The following GALNTL6 variants were observed in gnomAD, a reference collection of about 807,000 sequenced individuals.
GALNTL6 encodes the protein polypeptide N-acetylgalactosaminyltransferase like 6.
In GALNTL6, 46 loss-of-function variants were observed where a neutral mutation model predicts 73.7. That is an observed-to-expected ratio of 0.62 (90% CI 0.49 to 0.80). The LOEUF (loss-of-function observed/expected upper bound fraction) is 0.80, where lower values mean the gene tolerates loss of function less well. Among genes scored for constraint, GALNTL6 ranks in the 30% least tolerant of loss-of-function variants. The pLI is 0.00. For synonymous variants in GALNTL6, 259 were observed against 263.7 expected (o/e 0.98, Z 0.17); for missense variants, 604 against 755.0 (o/e 0.80, Z 2.34).
intron 5 of GALNTL6, among the ~76,000 whole-genome samples, chr4:172,588,736 T>C (rs1281704619): frequency 2.6e-5 from 4 of 152,142 alleles, no homozygotes; most frequent in Non-Finnish European, 5.9e-5. Flanking sequence ...TTTAAAAGAC[T>C]GAAGTCCAAA....
chr4:172,299,565 T>G (rs1310140218), intron 3 of GALNTL6, among the ~76,000 whole-genome samples: 2 of 152,172 alleles, frequency 1.3e-5, no homozygotes, highest in Admixed American at 6.5e-5. Context: ...CTGGTATGTT[T>G]TGTCTTTATT....
intron 5 of GALNTL6, among the ~76,000 whole-genome samples, chr4:172,444,584 C>T (rs1413054242): frequency 2.0e-5 from 3 of 152,062 alleles, no homozygotes; most frequent in African/African-American, 7.2e-5. Flanking sequence ...GAGAACAGTA[C>T]CTTTGATTGT....
intron 5 of GALNTL6, among the ~76,000 whole-genome samples, chr4:172,424,809 C>T (rs976674910): frequency 2.6e-5 from 4 of 151,920 alleles, no homozygotes; most frequent in Non-Finnish European, 5.9e-5. Context: ...TGACCAAATG[C>T]AAGAGAGGCT....
At chr4:172,132,266 C>G (rs1733517518) in intron 2 of GALNTL6, among the ~76,000 whole-genome samples, 1 of 152,046 alleles carries the variant, frequency 6.6e-6, no homozygotes, top group Admixed American at 6.6e-5. Flanking sequence ...ATTAAATTTT[C>G]TTTATATCAG....
At chr4:172,575,605 A>G (rs1370430196) in intron 5 of GALNTL6, among the ~76,000 whole-genome samples, 1 of 152,154 alleles carries the variant, frequency 6.6e-6, no homozygotes, top group African/African-American at 2.4e-5. Context: ...TGAAATCTGG[A>G]TCTGTTTAAA....
chr4:173,024,098 G>T (rs765867490), intron 12 of GALNTL6, among the ~76,000 whole-genome samples: 2 of 152,196 alleles, frequency 1.3e-5, no homozygotes, highest in African/African-American at 2.4e-5. Context: ...GCTTACAAAA[G>T]TTTACAGATG....
At chr4:172,755,016 A>G (rs1472595748) in intron 5 of GALNTL6, among the ~76,000 whole-genome samples, 1 of 152,138 alleles carries the variant, frequency 6.6e-6, no homozygotes, top group East Asian at 1.9e-4. Context: ...TATAAAAAGT[A>G]ATGCTTGATG....
At chr4:173,038,032 G>T (rs1299989421) in intron 12 of GALNTL6, among the ~76,000 whole-genome samples, 1 of 152,116 alleles carries the variant, frequency 6.6e-6, no homozygotes. Context: ...CGTCAGCCAC[G>T]GTACCCAGCC....
At chr4:171,834,495 G>A (rs1002601343) in intron 2 of GALNTL6, among the ~76,000 whole-genome samples, 1 of 151,844 alleles carries the variant, frequency 6.6e-6, no homozygotes, top group African/African-American at 2.4e-5. Context: ...TACTGACCCT[G>A]GTAAACACTT....
intron 4 of GALNTL6, among the ~76,000 whole-genome samples, chr4:172,331,675 T>C (rs1026585662): frequency 6.6e-6 from 1 of 152,226 alleles, no homozygotes; most frequent in African/African-American, 2.4e-5. Context: ...CATAATATTC[T>C]CAAGTTTCAT....
chr4:172,525,075 T>G (rs112150756), intron 5 of GALNTL6, among the ~76,000 whole-genome samples: 1 of 152,198 alleles, frequency 6.6e-6, no homozygotes. Flanking sequence ...CATAAATCAA[T>G]TGTCTATTTC....
chr4:172,691,280 A>G (rs562762557), intron 5 of GALNTL6, among the ~76,000 whole-genome samples: 2 of 152,298 alleles, frequency 1.3e-5, no homozygotes, highest in East Asian at 3.9e-4. Flanking sequence ...CATGGGGAGA[A>G]CCATAGGAAA....
At chr4:171,987,267 T>C (rs1323014750) in intron 2 of GALNTL6, among the ~76,000 whole-genome samples, 1 of 152,188 alleles carries the variant, frequency 6.6e-6, no homozygotes, top group African/African-American at 2.4e-5. Context: ...CTACTTTTCC[T>C]GAAGACGGAG....
At chr4:172,334,670 A>T (rs566172223) in intron 4 of GALNTL6, among the ~76,000 whole-genome samples, 1 of 152,288 alleles carries the variant, frequency 6.6e-6, no homozygotes, top group South Asian at 2.1e-4. Flanking sequence ...GTCATCAGAG[A>T]AGAAAAAAAA....
intron 8 of GALNTL6, among the ~76,000 whole-genome samples, chr4:172,918,195 C>T (rs1747623694): frequency 6.6e-6 from 1 of 152,028 alleles, no homozygotes; most frequent in Non-Finnish European, 1.5e-5. Context: ...ACAATGAGAA[C>T]ACTTGGACAC....
intron 5 of GALNTL6, among the ~76,000 whole-genome samples, chr4:172,525,450 T>C (rs1213191926): frequency 1.3e-5 from 2 of 152,222 alleles, no homozygotes; most frequent in Admixed American, 6.6e-5. Flanking sequence ...TTGATGGTAT[T>C]ATAAATGGCG....
intron 3 of GALNTL6, among the ~76,000 whole-genome samples, chr4:172,239,194 C>T (rs1011189715): frequency 6.6e-6 from 1 of 152,132 alleles, no homozygotes. Context: ...CTTTGTATGT[C>T]TGGTCGAATT....
intron 2 of GALNTL6, among the ~76,000 whole-genome samples, chr4:172,009,051 A>G (rs1389805344): frequency 6.6e-6 from 1 of 152,162 alleles, no homozygotes; most frequent in Non-Finnish European, 1.5e-5. Context: ...TAGAAATACT[A>G]AATTATATTA....
chr4:173,023,294 A>G (rs1288455584), intron 12 of GALNTL6, among the ~76,000 whole-genome samples: 1 of 152,176 alleles, frequency 6.6e-6, no homozygotes, highest in Non-Finnish European at 1.5e-5. Context: ...ACTTGTTTGT[A>G]TAAGTTTATT....
Sources: allele counts gnomAD v4.1 joint callset (sites outside exome capture counted in the v4.1 genomes callset), GRCh38; gene constraint gnomAD v4.1.1; transcripts MANE v1.5; gene names NCBI Gene and HGNC (gene_info 2026-07-23, HGNC 2026-07-21).